Variants in SRD5A2 observed in about 807,000 individuals in gnomAD.
SRD5A2 encodes the protein 3-oxo-5-alpha-steroid 4-dehydrogenase 2.
A neutral mutation model predicts 27.4 loss-of-function variants in SRD5A2; 30 were observed. That is an observed-to-expected ratio of 1.10 (90% CI 0.82 to 1.49). SRD5A2 has a LOEUF of 1.49. Among genes scored for constraint, SRD5A2 ranks in the 40% most tolerant of loss-of-function variants. The pLI is 0.00. For synonymous variants in SRD5A2, 141 were observed against 133.6 expected (o/e 1.06, Z -0.38); for missense variants, 348 against 323.4 (o/e 1.08, Z -0.58).
the SRD5A2 span, among the ~76,000 whole-genome samples, chr2:31,590,284 C>T: frequency 3.3e-5 from 5 of 152,224 alleles, no homozygotes; most frequent in South Asian, 1.0e-3. Context: ...CTGGCCAACA[C>T]AGGGCAAGAT....
chr2:31,558,118 A>G (rs1025998381), intron 1 of SRD5A2, among the ~76,000 whole-genome samples: 1 of 152,206 alleles, frequency 6.6e-6, no homozygotes, highest in Non-Finnish European at 1.5e-5. Context: ...GGGAGTTTCT[A>G]TACTTGAAGA....
intron 1 of SRD5A2, among the ~76,000 whole-genome samples, chr2:31,537,096 T>A (rs569071580): frequency 6.6e-6 from 1 of 152,206 alleles, no homozygotes; most frequent in African/African-American, 2.4e-5. Flanking sequence ...TTTAACTAAG[T>A]CTTCTTCAAA....
the SRD5A2 span, among the ~76,000 whole-genome samples, chr2:31,611,181 A>AT: frequency 6.6e-6 from 1 of 152,172 alleles, no homozygotes; most frequent in East Asian, 1.9e-4. Flanking sequence ...CTTTCAGATG[A>AT]TTTTAGCCCC....
At chr2:31,658,491 A>C in the SRD5A2 span, among the ~76,000 whole-genome samples, 1 of 151,992 alleles carries the variant, frequency 6.6e-6, no homozygotes, top group South Asian at 2.1e-4. Flanking sequence ...GAAAAGGAGA[A>C]AGAAGATCCA....
At chr2:31,599,750 C>T in the SRD5A2 span, among the ~76,000 whole-genome samples, 1 of 151,732 alleles carries the variant, frequency 6.6e-6, no homozygotes, top group Non-Finnish European at 1.5e-5. Flanking sequence ...AAGATCAAAC[C>T]AAACCCAAAA....
At chr2:31,622,267 A>T in the SRD5A2 span, among the ~76,000 whole-genome samples, 1 of 152,066 alleles carries the variant, frequency 6.6e-6, no homozygotes, top group Non-Finnish European at 1.5e-5. Flanking sequence ...AATGGCTTCC[A>T]GCTCCATCCA....
the SRD5A2 span, among the ~76,000 whole-genome samples, chr2:31,597,951 G>C: frequency 6.6e-6 from 1 of 152,086 alleles, no homozygotes; most frequent in Non-Finnish European, 1.5e-5. Flanking sequence ...CCCACTACTG[G>C]GTGTCTACCC....
chr2:31,578,625 G>T (rs911970238), intron 1 of SRD5A2, among the ~76,000 whole-genome samples: 5 of 152,180 alleles, frequency 3.3e-5, no homozygotes, highest in African/African-American at 1.2e-4. Flanking sequence ...ACAAACATCA[G>T]ATCCCGATGC....
the SRD5A2 span, among the ~76,000 whole-genome samples, chr2:31,623,229 G>A: frequency 3.9e-5 from 6 of 151,948 alleles, no homozygotes; most frequent in Non-Finnish European, 7.4e-5. Flanking sequence ...TTTTGAACTC[G>A]AATAAGAAAA....
chr2:31,602,976 T>C, the SRD5A2 span, among the ~76,000 whole-genome samples: 556 of 151,938 alleles, frequency 3.7e-3, 4 homozygotes, highest in African/African-American at 0.013. Context: ...GAAAAAAACC[T>C]AGGAAATACC....
At chr2:31,580,000 G>A (rs1572374052) in intron 1 of SRD5A2, among the ~76,000 whole-genome samples, 1 of 152,202 alleles carries the variant, frequency 6.6e-6, no homozygotes, top group Admixed American at 6.5e-5. Flanking sequence ...AAGAAGCGGG[G>A]ACCCTCGCTT....
chr2:31,578,247 T>A (rs1305157244), intron 1 of SRD5A2, among the ~76,000 whole-genome samples: 2 of 152,080 alleles, frequency 1.3e-5, no homozygotes, highest in African/African-American at 2.4e-5. Context: ...ATTTAAAAAA[T>A]TTTTACATAA....
the SRD5A2 span, among the ~76,000 whole-genome samples, chr2:31,596,598 A>G: frequency 6.6e-6 from 1 of 151,946 alleles, no homozygotes; most frequent in Non-Finnish European, 1.5e-5. Context: ...AACCCTAAAG[A>G]CTCATCCAAA....
chr2:31,632,070 C>A, the SRD5A2 span, among the ~76,000 whole-genome samples: 1 of 151,952 alleles, frequency 6.6e-6, no homozygotes, highest in Non-Finnish European at 1.5e-5. Flanking sequence ...GCCAACTAAT[C>A]TTAAAGGATA....
intron 1 of SRD5A2, among the ~76,000 whole-genome samples, chr2:31,539,192 C>T (rs760567873): frequency 5.3e-5 from 8 of 152,080 alleles, no homozygotes; most frequent in Non-Finnish European, 1.0e-4. Context: ...GGCTAGAAAC[C>T]TTAGGATTTG....
chr2:31,622,036 T>C, the SRD5A2 span, among the ~76,000 whole-genome samples: 3 of 152,124 alleles, frequency 2.0e-5, no homozygotes, highest in Admixed American at 1.3e-4. Flanking sequence ...ACAAGTGCCA[T>C]GGTGGTTTGC....
At chr2:31,612,052 T>G in the SRD5A2 span, among the ~76,000 whole-genome samples, 3 of 152,022 alleles carry the variant, frequency 2.0e-5, no homozygotes, top group African/African-American at 2.4e-5. Flanking sequence ...CCAAGGCAGG[T>G]GGATCACTTG....
chr2:31,592,195 G>T, the SRD5A2 span, among the ~76,000 whole-genome samples: 1 of 150,148 alleles, frequency 6.7e-6, no homozygotes, highest in Non-Finnish European at 1.5e-5. Flanking sequence ...TTCTACTACC[G>T]CAGATGGTGG....
At chr2:31,588,498 C>A in the SRD5A2 span, among the ~76,000 whole-genome samples, 1 of 152,090 alleles carries the variant, frequency 6.6e-6, no homozygotes, top group Non-Finnish European at 1.5e-5. Context: ...AAGGAAAAAT[C>A]TTTTACCTTA....
Sources: gnomAD v4.1 joint callset for allele counts (sites outside exome capture counted in the v4.1 genomes callset) on GRCh38, gnomAD v4.1.1 for gene constraint, MANE v1.5 for transcripts, NCBI Gene and HGNC (gene_info 2026-07-23, HGNC 2026-07-21) for gene names.